Variants in RAPGEF4 observed in about 807,000 individuals in gnomAD.
RAPGEF4 encodes the protein Rap guanine nucleotide exchange factor 4, also known as RAP guanine-nucleotide-exchange factor (GEF) 4.
A neutral mutation model predicts 147.9 loss-of-function variants in RAPGEF4; 66 were observed. That is an observed-to-expected ratio of 0.45 (90% CI 0.37 to 0.55). The LOEUF (loss-of-function observed/expected upper bound fraction) is 0.55, where lower values mean the gene tolerates loss of function less well. RAPGEF4 is among the 20% of genes least tolerant of loss of function. The pLI is 0.00. For synonymous variants in RAPGEF4, 419 were observed against 442.7 expected, an observed-to-expected ratio of 0.95 and a Z score of 0.67; for missense variants, 1,071 against 1,257.3, an observed-to-expected ratio of 0.85 and a Z score of 2.24.
At chr2:172,840,024 T>C (rs1168559993) in intron 4 of RAPGEF4, among the ~76,000 whole-genome samples, 1 of 152,168 alleles carries the variant, frequency 6.6e-6, no homozygotes, top group Non-Finnish European at 1.5e-5. Context: ...AGCCTCTTTC[T>C]CTTTAGTACT....
At chr2:172,907,816 C>CATT (rs1166872860) in intron 4 of RAPGEF4, among the ~76,000 whole-genome samples, 10 of 152,044 alleles carry the variant, frequency 6.6e-5, no homozygotes, top group Middle Eastern at 3.4e-3. Context: ...TTACAACTAC[C>CATT]ATTATTATTA....
At position 173,042,470 on chromosome 2, in the gene RAPGEF4, A is replaced by G. The variant is rs1177931990; in HGVS notation, c.2853+5778A>G. On this transcript the variant is annotated intron_variant, in intron 29 of 30. Transcript: ENST00000397081. This position sits in a 1 kb window ranked among gnomAD's most constrained non-coding sequence, Gnocchi z 4.2. ...AAACCCCATCTCTACTAAAAATACAAAAATTAGCCAGGCATGGTGGCGGGC... is the reference window on the plus strand; with the variant it reads ...AAACCCCATCTCTACTAAAAATACAGAAATTAGCCAGGCATGGTGGCGGGC... 6.6e-6 allele frequency among the ~76,000 whole-genome samples: 1 copy of G among 152,104 alleles called. No individual in the cohort carries two copies. The highest frequency in any genetic ancestry group is 1.9e-4 in the East Asian group (1 of 5,180).
intron 2 of RAPGEF4, among the ~76,000 whole-genome samples, chr2:172,796,006 T>A (rs563074379): frequency 6.6e-6 from 1 of 152,370 alleles, no homozygotes; most frequent in South Asian, 2.1e-4. Flanking sequence ...CCCAGCAGCC[T>A]TCTTGTATTG....
At chr2:172,866,471 A>G (rs1694660022) in intron 4 of RAPGEF4, among the ~76,000 whole-genome samples, 1 of 152,052 alleles carries the variant, frequency 6.6e-6, no homozygotes, top group Non-Finnish European at 1.5e-5. Context: ...ATCTTTCTTT[A>G]TACACTATTA....
intron 10 of RAPGEF4, among the ~76,000 whole-genome samples, chr2:172,981,284 T>C (rs1424374290): frequency 6.6e-6 from 1 of 152,258 alleles, no homozygotes. Context: ...ATAATCCTAT[T>C]ACGCCTACCT....
chr2:172,835,693 G>A (rs1012431566), intron 4 of RAPGEF4, among the ~76,000 whole-genome samples: 8 of 152,062 alleles, frequency 5.3e-5, no homozygotes, highest in Admixed American at 2.0e-4. Context: ...ATTAGAATAC[G>A]TTCTTGATAC....
At chr2:172,825,617 GA>G (rs1689585405) in intron 4 of RAPGEF4, among the ~76,000 whole-genome samples, 1 of 152,128 alleles carries the variant, frequency 6.6e-6, no homozygotes, top group African/African-American at 2.4e-5. Context: ...CAATTTATGT[GA>G]ATGCTTTATA....
intron 16 of RAPGEF4, among the ~76,000 whole-genome samples, chr2:172,997,148 C>A (rs911454171): frequency 6.6e-6 from 1 of 152,182 alleles, no homozygotes; most frequent in Non-Finnish European, 1.5e-5. Context: ...GAAGGAGAAT[C>A]TGTTCCATGC....
At chr2:172,778,382 G>A (rs1684373923) in intron 1 of RAPGEF4, among the ~76,000 whole-genome samples, 1 of 152,022 alleles carries the variant, frequency 6.6e-6, no homozygotes, top group African/African-American at 2.4e-5. Context: ...CTTCTCCAAT[G>A]TATCTACATA....
chr2:172,999,563 A>G (rs528509925), intron 16 of RAPGEF4, among the ~76,000 whole-genome samples: 6 of 152,228 alleles, frequency 3.9e-5, no homozygotes, highest in Non-Finnish European at 8.8e-5. Flanking sequence ...TTATATTTTT[A>G]CTTTTAAAAC....
intron 4 of RAPGEF4, among the ~76,000 whole-genome samples, chr2:172,831,133 C>T (rs1690261294): frequency 6.6e-6 from 1 of 152,022 alleles, no homozygotes; most frequent in South Asian, 2.1e-4. Flanking sequence ...ACATACCTAC[C>T]AGAGTTTTCA....
chr2:172,802,718 A>G (rs1048522207), intron 3 of RAPGEF4, among the ~76,000 whole-genome samples: 7 of 152,192 alleles, frequency 4.6e-5, no homozygotes, highest in Admixed American at 2.0e-4. Context: ...CCACAGTCCA[A>G]TGTCTTATCT....
rs573585091 is a variant in RAPGEF4 at position 172,979,308 on chromosome 2, A to G, written c.1005-4188A>G. On this transcript the variant is annotated intron_variant, in intron 10 of 30. Transcript: ENST00000397081. ...AGAACTGCTCCATAGCACCACTGCC[A>G]TCTCCCTTGGGCAGACCCTAAATTC... 3.0e-4 allele frequency among the ~76,000 whole-genome samples: 45 copies of G among 152,314 alleles called. No individual in the cohort carries two copies. In the East Asian group the frequency reaches 4.6e-3, roughly 16 times the overall value.
chr2:172,751,521 T>C (rs1466697362), intron 1 of RAPGEF4, among the ~76,000 whole-genome samples: 2 of 152,020 alleles, frequency 1.3e-5, no homozygotes, highest in Non-Finnish European at 2.9e-5. Context: ...CAGACAAAAC[T>C]GCACTACTGT....
intron 6 of RAPGEF4, among the ~76,000 whole-genome samples, chr2:172,959,321 C>A: frequency 6.6e-6 from 1 of 152,216 alleles, no homozygotes; most frequent in East Asian, 1.9e-4. Context: ...CCTTTGGCCT[C>A]TTTAATCTTC....
intron 4 of RAPGEF4, among the ~76,000 whole-genome samples, chr2:172,898,134 C>G (rs888956792): frequency 6.6e-6 from 1 of 152,082 alleles, no homozygotes; most frequent in African/African-American, 2.4e-5. Flanking sequence ...AGGTGGATTT[C>G]TGTACAGGAG....
At chr2:172,960,733 C>A (rs751623447) in intron 6 of RAPGEF4, 27 bp from the exon 7 acceptor site, 3 of 1,556,846 alleles carry the variant, frequency 1.9e-6, no homozygotes, top group Non-Finnish European at 2.6e-6. Flanking sequence ...GTTTAATTTT[C>A]TTTTGCTTTA....
At chr2:173,030,292 T>C (rs1394496218) in intron 26 of RAPGEF4, 38 bp downstream of exon 26, 1 of 1,516,340 alleles carries the variant, frequency 6.6e-7, no homozygotes, top group Admixed American at 1.7e-5. Context: ...ACTTTTGCCT[T>C]AGGAATAAAA....
chr2:172,963,000 T>C (rs1425933098), intron 8 of RAPGEF4, among the ~76,000 whole-genome samples: 2 of 152,050 alleles, frequency 1.3e-5, no homozygotes, highest in Non-Finnish European at 2.9e-5. Flanking sequence ...GAAGCATGAC[T>C]AAGAGGCCTC....
Sources: gnomAD v4.1 joint callset for allele counts (sites outside exome capture counted in the v4.1 genomes callset) on GRCh38, gnomAD v4.1.1 for gene constraint, Gnocchi (gnomAD v3.1) non-coding constraint, MANE v1.5 for transcripts, NCBI Gene and HGNC (gene_info 2026-07-23, HGNC 2026-07-21) for gene names.